CBX1: variants seen among roughly 807,000 people sequenced by gnomAD.
The protein encoded by CBX1 is chromobox protein homolog 1.
CBX1 carries 10 observed loss-of-function variants against 25.1 expected under a neutral mutation model. The observed-to-expected ratio is 0.40, with a 90% CI of 0.25 to 0.68. CBX1 has a LOEUF of 0.68. Ranked by LOEUF, CBX1 falls within the 30% of genes least tolerant of loss-of-function variation. The pLI is 0.40. For missense variants in CBX1, 106 were observed against 218.5 expected (o/e 0.49, Z 3.25); for synonymous variants, 63 against 79.4 (o/e 0.79, Z 1.10).
At chr17:48,072,284 T>C (rs958825235) in intron 4 of CBX1, among the ~76,000 whole-genome samples, 2 of 152,140 alleles carry the variant, frequency 1.3e-5, no homozygotes, top group African/African-American at 4.8e-5. Context: ...GTGTTGGGAT[T>C]ACAGGCATGA....
intron 4 of CBX1, among the ~76,000 whole-genome samples, chr17:48,074,419 C>A (rs1158650576): frequency 1.3e-5 from 2 of 152,212 alleles, no homozygotes; most frequent in African/African-American, 4.8e-5. Context: ...TAACTATCTT[C>A]ATTAGGCTGT....
Position 48,099,347 on chromosome 17 carries a change from G to A in CBX1, c.-38+1921C>T, listed in dbSNP as rs1306959023. ...TCTCGATCTCTTGACCTCATGATCCGCCCACCTCAGACTCCCAAAGTGCTG... is the reference window on the plus strand; with the variant it reads ...TCTCGATCTCTTGACCTCATGATCCACCCACCTCAGACTCCCAAAGTGCTG... On this transcript the variant is annotated intron_variant, in intron 1 of 4. Transcript: ENST00000225603. Among the ~76,000 whole-genome samples, 9 of 152,132 alleles carry A rather than the reference G, an allele frequency of 5.9e-5. No homozygotes were observed. In the South Asian group the frequency reaches 1.7e-3, roughly 28 times the overall value.
Position 48,096,727 on chromosome 17 carries a change from T to C in CBX1, c.-38+4541A>G, listed in dbSNP as rs184495567. Among the ~76,000 whole-genome samples the C allele has an allele frequency of 7.2e-4, 109 of 151,006 alleles. 1 individual carries two copies. In the South Asian group the frequency reaches 0.012, roughly 17 times the overall value. On this transcript the variant is annotated intron_variant, in intron 1 of 4. Coordinates refer to ENST00000225603, the MANE Select transcript of CBX1 (RefSeq NM_001127228.2). Reference sequence around the variant, plus strand: ...GAGGTGGAAGCTGCAGTGAGCTGAGTGGAGTGCACCACTGCACTCCAGCCT... The same window carrying C: ...GAGGTGGAAGCTGCAGTGAGCTGAGCGGAGTGCACCACTGCACTCCAGCCT...
chr17:48,087,636 G>C (rs148342425), intron 1 of CBX1, among the ~76,000 whole-genome samples: 2,922 of 152,168 alleles, frequency 0.019, 36 homozygotes, highest in Non-Finnish European at 0.031. Context: ...CACTTTGGGA[G>C]GTCAAGGCAG....
chr17:48,072,958 C>G (rs2037639337), intron 4 of CBX1, among the ~76,000 whole-genome samples: 1 of 151,784 alleles, frequency 6.6e-6, no homozygotes. Flanking sequence ...CGTGTTGCTA[C>G]TAAAAATACA....
At chr17:48,075,171 G>A (rs1017955344) in intron 3 of CBX1, 71 bp from the exon 4 acceptor site, 1 of 962,010 alleles carries the variant, frequency 1.0e-6, no homozygotes, top group Non-Finnish European at 1.7e-6. Flanking sequence ...CCATTCCTGT[G>A]TCTCTGATTA....
At position 48,088,986 on chromosome 17, in the gene CBX1, A is replaced by C. The variant is rs772750835; in HGVS notation, c.-37-11945T>G. 2.2e-4 allele frequency among the ~76,000 whole-genome samples: 33 copies of C among 152,276 alleles called. 2 individuals carry two copies. In the Middle Eastern group the frequency reaches 0.017, roughly 78 times the overall value. On this transcript the variant is annotated intron_variant, in intron 1 of 4. Transcript: ENST00000225603. ...GCAAGACTGTCTCAATAAAACACAA[A>C]ACAAAACAAAAAACCCCAAAACTTG...
Position 48,077,001 on chromosome 17 carries a change from C to A in CBX1, c.4G>T (p.Gly2Trp). The change falls in exon 2 of 5, where the codon GGG becomes TGG. Residue 2 changes from glycine to tryptophan, a missense_variant. Physicochemically the swap from Gly to Trp is radical, Grantham distance 184 (BLOSUM62 -2). Around this residue, in one of 4 missense-constraint regions of CBX1, gnomAD observed 19 missense variants for 17.3 expected, o/e 1.10. Coordinates refer to ENST00000225603, the MANE Select transcript of CBX1 (RefSeq NM_001127228.2). M[G>W]KKQNKKKVEE... ...ACTTTCTTCTTGTTTTGTTTTTTCC[C>A]CATAGTGCCCGCCAGCTTTCTGGTG... 6.2e-7 allele frequency: 1 copy of A among 1,612,694 alleles called. No homozygotes were observed. The highest frequency in any genetic ancestry group is 8.5e-7 in the Non-Finnish European group (1 of 1,179,420).
Position 48,080,242 on chromosome 17 carries a change from G to T in CBX1, c.-37-3201C>A, listed in dbSNP as rs192172628. Among the ~76,000 whole-genome samples the T allele has an allele frequency of 2.0e-5, 3 of 152,182 alleles. No individual in the cohort carries two copies. In the East Asian group the frequency reaches 5.8e-4, roughly 29 times the overall value. On this transcript the variant is annotated intron_variant, in intron 1 of 4. Coordinates refer to ENST00000225603, the MANE Select transcript of CBX1 (RefSeq NM_001127228.2). ...AGTAGAGATGGGGTTTCAGCATGTT[G>T]GCCAGGCTGGTCTCGAACTCCTGAC...
Position 48,075,494 on chromosome 17 carries a change from A to G in CBX1, c.319-394T>C, listed in dbSNP as rs887711885. Among the ~76,000 whole-genome samples the G allele has an allele frequency of 2.0e-5, 3 of 152,160 alleles. No individual in the cohort carries two copies. In the East Asian group the frequency reaches 5.8e-4, roughly 29 times the overall value. On this transcript the variant is annotated intron_variant, in intron 3 of 4. Coordinates refer to ENST00000225603, the MANE Select transcript of CBX1 (RefSeq NM_001127228.2). ...AGGTGTGAGCCACCGTGCCCGGCCC[A>G]ATCACAAACTCTTTTGCCAATATTT...
rs2037624562 is a variant in CBX1, at chr17:48,071,518, C to A, written c.475G>T (p.Val159Phe). Residue 159 changes from valine to phenylalanine, a missense_variant, in exon 5 of 5, where the codon GTT (valine) becomes TTT (phenylalanine). Physicochemically the swap from Val to Phe is conservative, Grantham distance 50. Around this residue, in one of 4 missense-constraint regions of CBX1, gnomAD observed 71 missense variants for 144.1 expected, o/e 0.49. Transcript: ENST00000225603. ...AKEANVKCPQ[V>F]VISFYEERLT... ...CTTTCCTCATAGAAGGATATGACAA[C>A]CTGTGGGCACTTGACATTGGCTTCC... 4 of 1,613,542 alleles carry A rather than the reference C, an allele frequency of 2.5e-6. No homozygotes were observed. The highest frequency in any genetic ancestry group is 1.3e-5 in the African/African-American group (1 of 74,906).
chr17:48,072,948 C>T (rs2037639200), intron 4 of CBX1, among the ~76,000 whole-genome samples: 1 of 152,032 alleles, frequency 6.6e-6, no homozygotes, highest in South Asian at 2.1e-4. Flanking sequence ...ATGGCAAAAC[C>T]GTGTTGCTAC....
In CBX1 at chr17:48,101,456, A is replaced by T; in HGVS notation, c.-226T>A. 1 of 985,666 alleles carries T rather than the reference A, an allele frequency of 1.0e-6. No homozygotes were observed. Among genetic ancestry groups the T allele is most frequent in the South Asian group, 4.7e-5 (1 of 21,296 alleles). The allele number at this position is 985,666 out of a possible 1,614,324, so 61.1% of individuals were successfully genotyped here. On this transcript the variant is annotated 5_prime_UTR_variant, in exon 1 of 5. Transcript: ENST00000225603. ...CCTCAGCCGAACAAAAGAGCCTCGC[A>T]GTCTGCGCTGCCCGCCGCTCGCACC... is the stretch of plus-strand genomic sequence containing the variant.
At chr17:48,096,700 G>T (rs557077577) in intron 1 of CBX1, among the ~76,000 whole-genome samples, 3 of 151,752 alleles carry the variant, frequency 2.0e-5, no homozygotes, top group Admixed American at 2.0e-4. Flanking sequence ...ACTTGAACCC[G>T]GGAGGTGGAA....
chr17:48,070,407 A>T lies in CBX1; in HGVS notation c.*1028T>A, dbSNP rs2037614337. On this transcript the variant is annotated 3_prime_UTR_variant, in exon 5 of 5. Coordinates refer to ENST00000225603, the MANE Select transcript of CBX1 (RefSeq NM_001127228.2). ...TGAAACTTGTGCTGTCAGTGACTGA[A>T]CCCTGCCAACAATGGTTTCAGTGTT... 6.6e-6 allele frequency: 1 copy of T among 152,524 alleles called. No homozygotes were observed. 9.4% of individuals were successfully genotyped at this position (152,524 alleles called of 1,614,324 possible). A position where few individuals can be genotyped will look rare whatever the true frequency, so the allele number is the denominator to read the frequency against.
intron 1 of CBX1, among the ~76,000 whole-genome samples, chr17:48,099,633 A>G (rs1453493554): frequency 2.0e-5 from 3 of 152,124 alleles, no homozygotes; most frequent in Non-Finnish European, 4.4e-5. Context: ...GTATTCCTGA[A>G]TCTATTCCAA....
At position 48,077,435 on chromosome 17, in the gene CBX1, TTTTTTTTTTGTTTTTTTTG is replaced by T. The variant is rs1567764339; in HGVS notation, c.-37-413_-37-395del. Among the ~76,000 whole-genome samples, 6 of 26,696 alleles carry T rather than the reference TTTTTTTTTTGTTTTTTTTG, an allele frequency of 2.2e-4. No homozygotes were observed. In the East Asian group the frequency reaches 0.015, roughly 67 times the overall value. The allele number at this position is 26,696 out of a possible 152,430, so 17.5% of individuals were successfully genotyped here. On this transcript the variant is annotated intron_variant, in intron 1 of 4. Coordinates refer to ENST00000225603, the MANE Select transcript of CBX1 (RefSeq NM_001127228.2). The stretch of plus-strand genomic sequence containing the variant: ...ACCAAGCCCAGCTAATTTTTGTTGT[TTTTTTTTTTGTTTTTTTTG>T]TTTTTTTTTTTTTAGTAGAGACGGG...
At chr17:48,089,872 G>A (rs2063335023) in intron 1 of CBX1, among the ~76,000 whole-genome samples, 1 of 151,342 alleles carries the variant, frequency 6.6e-6, no homozygotes, top group Non-Finnish European at 1.5e-5. Context: ...AAGGAGTAAA[G>A]AAAGGAAGTA....
rs1265714196 is a variant in CBX1 at position 48,071,558 on chromosome 17, G to A, written c.435C>T (p.Asp145=). 1 of 1,607,872 alleles carries A rather than the reference G, an allele frequency of 6.2e-7. No individual in the cohort carries two copies. Among genetic ancestry groups the A allele is most frequent in the Non-Finnish European group, 8.5e-7 (1 of 1,177,718 alleles). The change falls in exon 5 of 5, where the codon GAC becomes GAT. Residue 145 remains aspartate (D), a synonymous_variant. Transcript: ENST00000225603. ...LMKWKNSDEA[D]LVPAKEANVK... is the part of the protein sequence containing the mutation. ...CATTGGCTTCCTTGGCAGGGACCAG[G>A]TCAGCCTCATCAGAGTTTTTCCTGC...
Sources: allele counts gnomAD v4.1 joint callset (sites outside exome capture counted in the v4.1 genomes callset), GRCh38; gene constraint gnomAD v4.1.1; regional missense constraint gnomAD v4.1.1; transcripts MANE v1.5; gene names NCBI Gene and HGNC (gene_info 2026-07-23, HGNC 2026-07-21).